The following ANKRD12 variants were observed in gnomAD, a reference collection of about 807,000 sequenced individuals.
ANKRD12 encodes the protein ankyrin repeat domain 12.
A neutral mutation model predicts 183.4 loss-of-function variants in ANKRD12; 85 were observed. The observed-to-expected ratio is 0.46, with a 90% CI of 0.39 to 0.56. ANKRD12 has a LOEUF of 0.56. Ranked by LOEUF, ANKRD12 falls within the 20% of genes least tolerant of loss-of-function variation. The probability of loss-of-function intolerance (pLI) is 0.00; values close to 1 mark genes in which losing one functional copy is unlikely to be tolerated. For missense variants in ANKRD12, 2,405 were observed against 2,357.1 expected (o/e 1.02, Z -0.42); for synonymous variants, 914 against 800.2 (o/e 1.14, Z -2.40).
At chr18:9,214,744 G>A (rs1248135420) in intron 6 of ANKRD12, among the ~76,000 whole-genome samples, 1 of 152,064 alleles carries the variant, frequency 6.6e-6, no homozygotes, top group African/African-American at 2.4e-5. Flanking sequence ...GAAGATGAAC[G>A]AATCCAGCAT....
intron 1 of ANKRD12, among the ~76,000 whole-genome samples, chr18:9,155,400 T>G (rs2030254786): frequency 6.6e-6 from 1 of 152,236 alleles, no homozygotes; most frequent in South Asian, 2.1e-4. Context: ...CTCCAGTGTT[T>G]TGGGCATACT....
chr18:9,197,481 CTG>C (rs1567905553), intron 3 of ANKRD12, among the ~76,000 whole-genome samples: 1 of 152,210 alleles, frequency 6.6e-6, no homozygotes, highest in African/African-American at 2.4e-5. Flanking sequence ...ACAGTCAAAT[CTG>C]TGTATCTTTT....
intron 8 of ANKRD12, among the ~76,000 whole-genome samples, chr18:9,237,626 T>C (rs2037423078): frequency 6.6e-6 from 1 of 152,194 alleles, no homozygotes; most frequent in African/African-American, 2.4e-5. Flanking sequence ...AAGGTATTGT[T>C]GAGTTCAAAA....
intron 3 of ANKRD12, among the ~76,000 whole-genome samples, chr18:9,200,108 A>G (rs575942327): frequency 6.6e-6 from 1 of 152,320 alleles, no homozygotes; most frequent in Non-Finnish European, 1.5e-5. Flanking sequence ...TTTGCGAGAT[A>G]TCGTAGTGTG....
rs1186909878 is a variant in ANKRD12, at chr18:9,255,633, G to A, written c.2366G>A (p.Gly789Asp). ...AAAGACTCAGAATTTACTTCTTTGG[G>A]TATGAGTGCCATTGAGGAATCTATA... ...TDKDSEFTSL[G>D]MSAIEESIGL... The change falls in exon 9 of 13, where the codon GGT becomes GAT. Residue 789 changes from glycine to aspartate, a missense_variant. By Grantham distance (94) the Gly-to-Asp change is moderately conservative. Coordinates refer to ENST00000262126, the MANE Select transcript of ANKRD12 (RefSeq NM_015208.5). The A allele has an allele frequency of 2.5e-6, 4 of 1,574,164 alleles. No individual in the cohort carries two copies. The highest frequency in any genetic ancestry group is 1.4e-5 in the African/African-American group (1 of 72,278).
At chr18:9,149,429 T>C (rs1436328826) in intron 1 of ANKRD12, among the ~76,000 whole-genome samples, 1 of 152,226 alleles carries the variant, frequency 6.6e-6, no homozygotes, top group Non-Finnish European at 1.5e-5. Context: ...ATACTTTTCA[T>C]GATATCTATA....
At chr18:9,158,579 A>C (rs1007955274) in intron 1 of ANKRD12, among the ~76,000 whole-genome samples, 1 of 152,218 alleles carries the variant, frequency 6.6e-6, no homozygotes, top group African/African-American at 2.4e-5. Flanking sequence ...CATTTTTATC[A>C]CATCTTATCA....
rs73394114 is a variant in ANKRD12 at position 9,207,168 on chromosome 18, T to C, written c.305-1489T>C. Among the ~76,000 whole-genome samples the C allele has an allele frequency of 4.0e-3, 610 of 152,186 alleles. 4 individuals are homozygous for C. Among genetic ancestry groups the C allele is most frequent in the African/African-American group, 0.014 (577 of 41,554 alleles). ...AGAAAATTAGGAGAAAAAATCCATA[T>C]ATGCTTCAGGAAAAAATTGGCTTCT... On this transcript the variant is annotated intron_variant, in intron 4 of 12. Coordinates refer to ENST00000262126, the MANE Select transcript of ANKRD12 (RefSeq NM_015208.5).
At chr18:9,267,635 A>C (rs1025787529) in intron 10 of ANKRD12, among the ~76,000 whole-genome samples, 11 of 152,308 alleles carry the variant, frequency 7.2e-5, no homozygotes, top group Admixed American at 2.6e-4. Flanking sequence ...TGTAGAGGGA[A>C]ATTTATAGCA....
In ANKRD12 at chr18:9,171,599, T is replaced by G. The variant is rs180806529; in HGVS notation, c.-51-10783T>G. Among the ~76,000 whole-genome samples, 15 of 152,266 alleles carry G rather than the reference T, an allele frequency of 9.9e-5. 1 individual carries two copies. The highest frequency in any genetic ancestry group is 3.3e-4 in the Admixed American group (5 of 15,304). On this transcript the variant is annotated intron_variant, in intron 1 of 12. Coordinates refer to ENST00000262126, the MANE Select transcript of ANKRD12 (RefSeq NM_015208.5). ...GTTTTTCCTTTCCATATTTAGTGCT[T>G]CTTTTGGGAGCTCTTTCAAGACAAT...
At chr18:9,182,334 C>CTTCAGGTATGTT in intron 1 of ANKRD12, 48 bp from the exon 2 acceptor site, 1 of 507,656 alleles carries the variant, frequency 2.0e-6, no homozygotes, top group Non-Finnish European at 3.2e-6. Context: ...TGGTGCGTAA[C>CTTCAGGTATGTT]CTATTGTATA....
chr18:9,208,938 G>T, intron 5 of ANKRD12, 135 bp downstream of exon 5: 4 of 884,496 alleles, frequency 4.5e-6, no homozygotes, highest in Non-Finnish European at 6.4e-6. Context: ...TTGTAAGTCA[G>T]TGGTAATTTT....
intron 8 of ANKRD12, among the ~76,000 whole-genome samples, chr18:9,243,460 A>G (rs1047611595): frequency 6.6e-6 from 1 of 152,218 alleles, no homozygotes; most frequent in African/African-American, 2.4e-5. Flanking sequence ...AATGACAGAT[A>G]AGAAGGGACA....
rs561072075 is a variant in ANKRD12 at position 9,204,676 on chromosome 18, G to A, written c.304+132G>A. 1,132 of 655,268 alleles carry A rather than the reference G, an allele frequency of 1.7e-3. 4 individuals carry two copies. The highest frequency in any genetic ancestry group is 2.3e-3 in the Non-Finnish European group (938 of 407,306). 40.6% of individuals were successfully genotyped at this position (655,268 alleles called of 1,614,324 possible). A position where few individuals can be genotyped will look rare whatever the true frequency, so the allele number is the denominator to read the frequency against. On this transcript the variant is annotated intron_variant, in intron 4 of 12. Coordinates refer to ENST00000262126, the MANE Select transcript of ANKRD12 (RefSeq NM_015208.5). Reference sequence around the variant, plus strand: ...TTGGTTAAATAAATGAACTACGTGGGTGACACCACATTTTCCCATTTTTGC... The same window carrying A: ...TTGGTTAAATAAATGAACTACGTGGATGACACCACATTTTCCCATTTTTGC...
rs150122059 is a variant in ANKRD12 at position 9,263,156 on chromosome 18, C to T, written c.5665-634C>T. Among the ~76,000 whole-genome samples, 210 of 152,168 alleles carry T rather than the reference C, an allele frequency of 1.4e-3. 1 individual carries two copies. Among genetic ancestry groups the T allele is most frequent in the African/African-American group, 4.8e-3 (198 of 41,502 alleles). On this transcript the variant is annotated intron_variant, in intron 9 of 12. Coordinates refer to ENST00000262126, the MANE Select transcript of ANKRD12 (RefSeq NM_015208.5). ...AGATTGAATCAGCTTCCTTAACCTCCAGCATCTACCGGAAAACACCTCTCT... is the reference window on the plus strand; with the variant it reads ...AGATTGAATCAGCTTCCTTAACCTCTAGCATCTACCGGAAAACACCTCTCT...
At chr18:9,161,816 C>A (rs929924123) in intron 1 of ANKRD12, among the ~76,000 whole-genome samples, 1 of 151,292 alleles carries the variant, frequency 6.6e-6, no homozygotes, top group Admixed American at 6.6e-5. Flanking sequence ...CATTCATTAT[C>A]TCTCATATAT....
chr18:9,233,697 G>C (rs780128428), intron 8 of ANKRD12, among the ~76,000 whole-genome samples: 1 of 152,190 alleles, frequency 6.6e-6, no homozygotes, highest in Non-Finnish European at 1.5e-5. Flanking sequence ...AATGTCATTG[G>C]TATCTGTGAT....
intron 1 of ANKRD12, among the ~76,000 whole-genome samples, chr18:9,144,251 T>A (rs1407805566): frequency 6.6e-6 from 1 of 152,208 alleles, no homozygotes; most frequent in Non-Finnish European, 1.5e-5. Flanking sequence ...TGTTTAAAGA[T>A]TATAATAAAA....
intron 1 of ANKRD12, among the ~76,000 whole-genome samples, chr18:9,142,671 C>T (rs1201205151): frequency 6.6e-6 from 1 of 152,172 alleles, no homozygotes; most frequent in Non-Finnish European, 1.5e-5. Flanking sequence ...CACCTGAGGT[C>T]AGGAGTTTGA....
Sources: gnomAD v4.1 joint callset for allele counts (sites outside exome capture counted in the v4.1 genomes callset) on GRCh38, gnomAD v4.1.1 for gene constraint, MANE v1.5 for transcripts, NCBI Gene and HGNC (gene_info 2026-07-23, HGNC 2026-07-21) for gene names.